THRB: variants seen among roughly 807,000 people sequenced by gnomAD.
The protein encoded by THRB is thyroid hormone receptor beta.
Under a neutral mutation model 47.8 loss-of-function variants are expected in THRB, and 12 were observed. The observed-to-expected ratio is 0.25, with a 90% confidence interval of 0.16 to 0.41. THRB has a LOEUF of 0.41. Among genes scored for constraint, THRB ranks in the 10% least tolerant of loss-of-function variants. The pLI, the probability that THRB is intolerant of heterozygous loss-of-function variation, is 1.00. For missense variants in THRB, 348 were observed against 589.2 expected, an observed-to-expected ratio of 0.59 and a Z score of 4.24; for synonymous variants, 218 against 212.2, an observed-to-expected ratio of 1.03 and a Z score of -0.24.
chr3:24,254,410 A>G (rs944380805), intron 3 of THRB, among the ~76,000 whole-genome samples: 8 of 151,632 alleles, frequency 5.3e-5, no homozygotes, highest in East Asian at 3.9e-4. Context: ...AAAGAAAAGA[A>G]AACCAAATTT....
intron 4 of THRB, among the ~76,000 whole-genome samples, chr3:24,199,042 C>CATAAATTAAAATTAAAAAAGTCAGCCT (rs2044296717): frequency 1.3e-5 from 2 of 152,176 alleles, no homozygotes; most frequent in African/African-American, 4.8e-5. Flanking sequence ...AGTCAGGCTA[C>CATAAATTAAAATTAAAAAAGTCAGCCT]ATAGACTAGG....
intron 4 of THRB, among the ~76,000 whole-genome samples, chr3:24,206,619 A>G (rs2045386123): frequency 6.6e-6 from 1 of 152,232 alleles, no homozygotes; most frequent in South Asian, 2.1e-4. Flanking sequence ...AGACACATTG[A>G]AAAGCTAGCA....
chr3:24,390,813 T>A (rs902228044), intron 1 of THRB, among the ~76,000 whole-genome samples: 3 of 147,046 alleles, frequency 2.0e-5, no homozygotes, highest in African/African-American at 7.4e-5. Context: ...TATATATATA[T>A]AATATTATTT....
chr3:24,125,826 A>T (rs750546489), intron 10 of THRB, among the ~76,000 whole-genome samples: 1 of 152,254 alleles, frequency 6.6e-6, no homozygotes, highest in Non-Finnish European at 1.5e-5. Flanking sequence ...GTGACATCAA[A>T]TTTGCCATAT....
chr3:24,336,359 G>T lies in THRB; in HGVS notation c.-189+941C>A, dbSNP rs962051907. 4.6e-5 allele frequency among the ~76,000 whole-genome samples: 7 copies of T among 152,336 alleles called. 1 individual carries two copies. The East Asian group carries it at 7.7e-4, about 17-fold the overall frequency. ...CACAAAGACAGCATTCAAAAGGCCT[G>T]GCTCCCGCAGCCAGTGAGCATTTCT... On this transcript the variant is annotated intron_variant, in intron 2 of 10. Coordinates refer to ENST00000646209, the MANE Select transcript of THRB (RefSeq NM_001354712.2).
intron 3 of THRB, among the ~76,000 whole-genome samples, chr3:24,265,666 C>A (rs1482151838): frequency 3.9e-5 from 6 of 151,976 alleles, no homozygotes; most frequent in African/African-American, 1.4e-4. Context: ...GGAAATACAT[C>A]CTAAGATTTA....
chr3:24,198,877 G>T (rs1474678456), intron 4 of THRB, among the ~76,000 whole-genome samples: 2 of 152,156 alleles, frequency 1.3e-5, no homozygotes, highest in African/African-American at 4.8e-5. Flanking sequence ...CATAGCTGGG[G>T]AGGGTGTGTC....
chr3:24,311,574 T>G (rs1296034999), intron 2 of THRB, among the ~76,000 whole-genome samples: 1 of 152,214 alleles, frequency 6.6e-6, no homozygotes, highest in African/African-American at 2.4e-5. Flanking sequence ...TTTTTACACC[T>G]GAGTCCGTAT....
At chr3:24,338,487 T>G (rs2062411453) in intron 1 of THRB, among the ~76,000 whole-genome samples, 1 of 152,266 alleles carries the variant, frequency 6.6e-6, no homozygotes, top group Admixed American at 6.5e-5. Context: ...TGAACCACGC[T>G]AATCTATACC....
chr3:24,259,545 A>C (rs1370976686), intron 3 of THRB, among the ~76,000 whole-genome samples: 1 of 151,816 alleles, frequency 6.6e-6, no homozygotes, highest in Non-Finnish European at 1.5e-5. Flanking sequence ...CAGCTTTGAA[A>C]AGTAGAATTA....
chr3:24,175,609 G>C (rs1440842926), intron 5 of THRB, among the ~76,000 whole-genome samples: 3 of 152,168 alleles, frequency 2.0e-5, no homozygotes, highest in Non-Finnish European at 4.4e-5. Context: ...TCTTCTATTT[G>C]CTAAGCCAAC....
intron 2 of THRB, among the ~76,000 whole-genome samples, chr3:24,312,008 C>T (rs984908555): frequency 8.5e-5 from 13 of 152,230 alleles, no homozygotes; most frequent in Non-Finnish European, 1.9e-4. Flanking sequence ...TGCAACCATC[C>T]TGAACTTTTC....
chr3:24,208,243 G>A (rs2045618113), intron 4 of THRB, among the ~76,000 whole-genome samples: 1 of 151,800 alleles, frequency 6.6e-6, no homozygotes, highest in Non-Finnish European at 1.5e-5. Context: ...TGGGTAGGAA[G>A]AATCAATATT....
chr3:24,236,749 G>A (rs59691607), intron 3 of THRB, among the ~76,000 whole-genome samples: 17,360 of 152,166 alleles, frequency 0.11, 1,137 homozygotes, highest in East Asian at 0.26. Context: ...TAACCTTGCT[G>A]TGGGGAGTAA....
At chr3:24,231,213 A>G (rs1047776453) in intron 3 of THRB, among the ~76,000 whole-genome samples, 1 of 152,184 alleles carries the variant, frequency 6.6e-6, no homozygotes, top group Admixed American at 6.5e-5. Flanking sequence ...ATTAATACAA[A>G]TGTGTCAGCA....
intron 1 of THRB, among the ~76,000 whole-genome samples, chr3:24,352,117 G>A (rs550426318): frequency 1.3e-5 from 2 of 152,222 alleles, no homozygotes; most frequent in Admixed American, 6.5e-5. Flanking sequence ...TTGACATTTT[G>A]TGTCAACAGA....
Position 24,118,523 on chromosome 3 carries a change from G to T in THRB, c.*4361C>A. ...GATTCTCAGGGCATGAAAACATTAT[G>T]GGAAAAAAAAGGATTTTCTACGAAG... is the stretch of plus-strand genomic sequence containing the variant. On this transcript the variant is annotated 3_prime_UTR_variant, in exon 11 of 11. Transcript: ENST00000646209. 1 of 152,282 alleles carries T rather than the reference G, an allele frequency of 6.6e-6. No individual in the cohort carries two copies. The highest frequency in any genetic ancestry group is 1.9e-4 in the East Asian group (1 of 5,192). 9.4% of individuals were successfully genotyped at this position (152,282 alleles called of 1,614,324 possible). A position where few individuals can be genotyped will look rare whatever the true frequency, so the allele number is the denominator to read the frequency against.
chr3:24,311,923 T>C (rs2057785995), intron 2 of THRB, among the ~76,000 whole-genome samples: 2 of 152,202 alleles, frequency 1.3e-5, no homozygotes, highest in African/African-American at 4.8e-5. Flanking sequence ...TTATAAGGCT[T>C]TGTACGCACA....
At chr3:24,323,219 G>A (rs1406407660) in intron 2 of THRB, among the ~76,000 whole-genome samples, 1 of 151,196 alleles carries the variant, frequency 6.6e-6, no homozygotes, top group African/African-American at 2.4e-5. Context: ...TCCTACGCAC[G>A]GTTTTTGGTT....
Sources: gnomAD v4.1 joint callset for allele counts (sites outside exome capture counted in the v4.1 genomes callset) on GRCh38, gnomAD v4.1.1 for gene constraint, MANE v1.5 for transcripts, NCBI Gene and HGNC (gene_info 2026-07-23, HGNC 2026-07-21) for gene names.